The following FAM91A1 variants were observed in gnomAD, a reference collection of about 807,000 sequenced individuals.
FAM91A1 encodes the protein family with sequence similarity 91 member A1, also known as protein FAM91A1.
Under a neutral mutation model 113.5 loss-of-function variants are expected in FAM91A1, and 41 were observed. The observed-to-expected ratio is 0.36, with a 90% CI of 0.28 to 0.47. The LOEUF (loss-of-function observed/expected upper bound fraction) is 0.47. Ranked by LOEUF, FAM91A1 falls within the 20% of genes least tolerant of loss-of-function variation. The probability of loss-of-function intolerance (pLI) is 1.00; values close to 1 mark genes in which losing one functional copy is unlikely to be tolerated. For missense variants in FAM91A1, 696 were observed against 1,001.2 expected, an observed-to-expected ratio of 0.70 and a Z score of 4.11; for synonymous variants, 307 against 347.9, an observed-to-expected ratio of 0.88 and a Z score of 1.31.
chr8:123,775,036 G>T, intron 2 of FAM91A1, 111 bp from the exon 3 acceptor site: 3 of 1,029,846 alleles, frequency 2.9e-6, no homozygotes, highest in South Asian at 2.3e-5. Flanking sequence ...TTGTTCTCTT[G>T]TAATTTACAT....
intron 15 of FAM91A1, among the ~76,000 whole-genome samples, chr8:123,794,924 A>G (rs1815474524): frequency 6.6e-6 from 1 of 152,238 alleles, no homozygotes; most frequent in Admixed American, 6.5e-5. Context: ...AAGAGAAGGA[A>G]ACTTATGAAG....
At position 123,778,078 on chromosome 8, in the gene FAM91A1, T is replaced by C; in HGVS notation, c.421T>C (p.Cys141Arg). The change falls in exon 5 of 24, where the codon TGT (cysteine) becomes CGT (arginine). Residue 141 changes from cysteine to arginine, a missense_variant. Transcript: ENST00000334705. ...RNQYIDLMNQ[C>R]RSSKKFFRRK... ...CCAGTATATTGATCTTATGAATCAGTGTAGATCATCAAAAGTAAGTTAGTA... is the reference window on the plus strand; with the variant it reads ...CCAGTATATTGATCTTATGAATCAGCGTAGATCATCAAAAGTAAGTTAGTA... The C allele has an allele frequency of 6.2e-7, 1 of 1,612,040 alleles. No homozygotes were observed. The highest frequency in any genetic ancestry group is 8.5e-7 in the Non-Finnish European group (1 of 1,178,880).
chr8:123,801,865 A>T (rs551285998), intron 18 of FAM91A1, among the ~76,000 whole-genome samples: 24 of 151,150 alleles, frequency 1.6e-4, no homozygotes, highest in African/African-American at 5.4e-4. Context: ...CTTGGGTCAT[A>T]GTAGTTGTCC....
At chr8:123,782,937 A>G (rs757115904) in intron 8 of FAM91A1, among the ~76,000 whole-genome samples, 17 of 152,268 alleles carry the variant, frequency 1.1e-4, no homozygotes, top group Non-Finnish European at 1.9e-4. Flanking sequence ...TGGGAAGCCA[A>G]GGTATGAGAA....
intron 1 of FAM91A1, among the ~76,000 whole-genome samples, chr8:123,773,046 T>C (rs1814892553): frequency 6.6e-6 from 1 of 152,128 alleles, no homozygotes; most frequent in South Asian, 2.1e-4. Flanking sequence ...AGTGGACCTA[T>C]GCAGTTCAAA....
intron 1 of FAM91A1, among the ~76,000 whole-genome samples, chr8:123,769,255 C>G (rs1463926122): frequency 1.3e-5 from 2 of 151,846 alleles, no homozygotes; most frequent in Admixed American, 1.3e-4. Flanking sequence ...CCTTGGAGGA[C>G]GAATAAGAGT....
chr8:123,776,622 G>A (rs902880503), intron 3 of FAM91A1, among the ~76,000 whole-genome samples: 1 of 152,152 alleles, frequency 6.6e-6, no homozygotes, highest in African/African-American at 2.4e-5. Context: ...GCTAAAATAG[G>A]TGGAGTTTTT....
At position 123,770,967 on chromosome 8, in the gene FAM91A1, T is replaced by C. The variant is rs545747117; in HGVS notation, c.72+2193T>C. Reference sequence around the variant, plus strand: ...GAGATTACTACATCAGCCTTCTCTCTGGTCTCTTGCTCTTAGAATAGGACT... The same window carrying C: ...GAGATTACTACATCAGCCTTCTCTCCGGTCTCTTGCTCTTAGAATAGGACT... On this transcript the variant is annotated intron_variant, in intron 1 of 23. Coordinates refer to ENST00000334705, the MANE Select transcript of FAM91A1 (RefSeq NM_144963.4). 1.8e-3 allele frequency among the ~76,000 whole-genome samples: 269 copies of C among 152,346 alleles called. 1 individual carries two copies. Among genetic ancestry groups the C allele is most frequent in the Middle Eastern group, 0.01 (3 of 294 alleles).
intron 14 of FAM91A1, 141 bp from the exon 15 acceptor site, chr8:123,789,472 A>C: frequency 8.7e-7 from 1 of 1,149,864 alleles, no homozygotes; most frequent in Non-Finnish European, 1.2e-6. Flanking sequence ...GACTGAGGTT[A>C]ATAACTTGTT....
chr8:123,782,975 G>A (rs184666482), intron 8 of FAM91A1, among the ~76,000 whole-genome samples: 25 of 152,206 alleles, frequency 1.6e-4, no homozygotes, highest in African/African-American at 5.1e-4. Flanking sequence ...TTCGAGACCA[G>A]CCTGGGCAAT....
chr8:123,778,219 C>CA (rs922774717), intron 5 of FAM91A1, 127 bp downstream of exon 5: 108 of 636,412 alleles, frequency 1.7e-4, no homozygotes, highest in African/African-American at 2.3e-4. Context: ...AGAAACAATA[C>CA]AAAAAAAACT....
intron 18 of FAM91A1, among the ~76,000 whole-genome samples, chr8:123,800,534 A>C (rs1303066149): frequency 1.3e-5 from 2 of 152,170 alleles, no homozygotes; most frequent in South Asian, 4.1e-4. Flanking sequence ...TGTACAATTC[A>C]CCAATTTAAA....
In FAM91A1 at chr8:123,806,112, G is replaced by A; in HGVS notation, c.1915G>A (p.Ala639Thr). The A allele has an allele frequency of 2.5e-6, 4 of 1,610,758 alleles. No individual in the cohort carries two copies. Among genetic ancestry groups the A allele is most frequent in the Non-Finnish European group, 3.4e-6 (4 of 1,178,180 alleles). Reference protein sequence around the residue: ...FTRVNMGVHKALQILRNRVDL... With the variant: ...FTRVNMGVHKTLQILRNRVDL... The stretch of plus-strand genomic sequence containing the variant: ...TCGTGTCAATATGGGTGTTCATAAA[G>A]CATTGCAGATACTAAGGAACAGAGT... Residue 639 changes from alanine to threonine, a missense_variant, in exon 20 of 24, where the codon GCA becomes ACA. Transcript: ENST00000334705.
intron 8 of FAM91A1, among the ~76,000 whole-genome samples, chr8:123,783,271 A>G (rs1815167639): frequency 6.6e-6 from 1 of 152,256 alleles, no homozygotes; most frequent in African/African-American, 2.4e-5. Flanking sequence ...AAATGTATAT[A>G]TAAAGTACTT....
intron 15 of FAM91A1, among the ~76,000 whole-genome samples, chr8:123,795,555 CAGAGGCCA>C (rs1815496927): frequency 6.6e-6 from 1 of 152,182 alleles, no homozygotes; most frequent in Non-Finnish European, 1.5e-5. Flanking sequence ...TCCTCAGAAG[CAGAGGCCA>C]CTCTGCTTCC....
intron 3 of FAM91A1, 83 bp downstream of exon 3, chr8:123,775,381 C>T: frequency 6.7e-7 from 1 of 1,502,502 alleles, no homozygotes; most frequent in Non-Finnish European, 9.1e-7. Context: ...ACCAGCTCTT[C>T]AGCTGTCGTC....
chr8:123,795,343 A>T (rs1042135539), intron 15 of FAM91A1, among the ~76,000 whole-genome samples: 10 of 152,108 alleles, frequency 6.6e-5, no homozygotes, highest in Non-Finnish European at 2.9e-5. Context: ...AGGTTGTTGG[A>T]TCATGGGGGC....
Position 123,780,073 on chromosome 8 carries a change from A to C in FAM91A1, c.638A>C (p.His213Pro), listed in dbSNP as rs558708768. 6.2e-7 allele frequency: 1 copy of C among 1,610,092 alleles called. No homozygotes were observed. The highest frequency in any genetic ancestry group is 1.3e-5 in the African/African-American group (1 of 74,918). ...LSGSLDYNVV[H>P]SLYNKGFIYL... The stretch of plus-strand genomic sequence containing the variant: ...GGATCACTAGATTACAATGTAGTAC[A>C]TAGTAAGTGGTTAGTAGAAATGGTC... Residue 213 changes from histidine (H) to proline (P), a missense_variant and splice_region_variant, in exon 7 of 24, where the codon CAT becomes CCT. Coordinates refer to ENST00000334705, the MANE Select transcript of FAM91A1 (RefSeq NM_144963.4).
At chr8:123,811,565 G>A (rs1815955691) in intron 23 of FAM91A1, 2 of 152,106 alleles carry the variant, frequency 1.3e-5, no homozygotes, top group Non-Finnish European at 2.9e-5. Flanking sequence ...TTAAATGTGA[G>A]GAAAAGATTA....
Sources: allele counts gnomAD v4.1 joint callset (sites outside exome capture counted in the v4.1 genomes callset), GRCh38; gene constraint gnomAD v4.1.1; transcripts MANE v1.5; gene names NCBI Gene and HGNC (gene_info 2026-07-23, HGNC 2026-07-21).